The following DYNC2H1 variants were observed in gnomAD, a reference collection of about 807,000 sequenced individuals.
DYNC2H1 encodes dynein cytoplasmic 2 heavy chain 1.
Under a neutral mutation model 570.0 loss-of-function variants are expected in DYNC2H1, and 410 were observed. That is an observed-to-expected ratio of 0.72 (90% CI 0.66 to 0.78). The LOEUF (loss-of-function observed/expected upper bound fraction) is 0.78, where lower values mean the gene tolerates loss of function less well. Among genes scored for constraint, DYNC2H1 ranks in the 30% least tolerant of loss-of-function variants. The pLI, the probability that DYNC2H1 is intolerant of heterozygous loss-of-function variation, is 0.00. For synonymous variants in DYNC2H1, 1,688 were observed against 1,677.6 expected (o/e 1.01, Z -0.15); for missense variants, 4,865 against 5,046.4 (o/e 0.96, Z 1.09).
chr11:103,170,007 T>G lies in DYNC2H1; in HGVS notation c.4969-101T>G. The G allele has an allele frequency of 8.8e-7, 1 of 1,140,462 alleles. No homozygotes were observed. Among genetic ancestry groups the G allele is most frequent in the Non-Finnish European group, 1.2e-6 (1 of 849,406 alleles). The allele number at this position is 1,140,462 out of a possible 1,614,324, so 70.6% of individuals were successfully genotyped here. Reference sequence around the variant, plus strand: ...TCTGTGTTAAAAACTTTAACCTGTTTGTTGCATTTTTATCTTTTTAACTAC... The same window carrying G: ...TCTGTGTTAAAAACTTTAACCTGTTGGTTGCATTTTTATCTTTTTAACTAC... On this transcript the variant is annotated intron_variant, in intron 32 of 88. Transcript: ENST00000375735. This position sits in a 1 kb window ranked among gnomAD's most constrained non-coding sequence, Gnocchi z 4.8.
chr11:103,395,878 G>C lies in DYNC2H1; in HGVS notation c.12157-3785G>C, dbSNP rs1283654671. On this transcript the variant is annotated intron_variant, in intron 83 of 88. Transcript: ENST00000375735. This position sits in a 1 kb window ranked among gnomAD's most constrained non-coding sequence, Gnocchi z 4.3. ...AATGATTATCTAAAGAGGAATGAAG[G>C]GTTACTTGAGGGCAAAGGTAGAATT... 6.6e-6 allele frequency among the ~76,000 whole-genome samples: 1 copy of C among 152,102 alleles called. No individual in the cohort carries two copies. The highest frequency in any genetic ancestry group is 1.5e-5 in the Non-Finnish European group (1 of 68,028).
chr11:103,230,196 A>G (rs752853807), intron 59 of DYNC2H1, among the ~76,000 whole-genome samples: 1 of 152,054 alleles, frequency 6.6e-6, no homozygotes, highest in Non-Finnish European at 1.5e-5. Context: ...TTTGTATGTT[A>G]CCCCATATTT....
intron 87 of DYNC2H1, among the ~76,000 whole-genome samples, chr11:103,460,673 T>C (rs1944979760): frequency 6.6e-6 from 1 of 151,396 alleles, no homozygotes; most frequent in South Asian, 2.1e-4. Flanking sequence ...ATGTATAATC[T>C]GTATATATAT....
intron 83 of DYNC2H1, among the ~76,000 whole-genome samples, chr11:103,389,368 T>C (rs914220666): frequency 2.0e-5 from 3 of 152,246 alleles, no homozygotes; most frequent in African/African-American, 7.2e-5. Flanking sequence ...CATTTTTTAT[T>C]GCATCTATTT....
At position 103,249,451 on chromosome 11, in the gene DYNC2H1, C is replaced by A. The variant is rs1864748038; in HGVS notation, c.10043-3834C>A. ...AAATTGAATACACCTGTATAAACAC[C>A]CAGATCAAGACATAAGAGCTTTATT... On this transcript the variant is annotated intron_variant, in intron 65 of 88. Transcript: ENST00000375735. The surrounding 1 kb of genome is among the most constrained non-coding windows in gnomAD (Gnocchi z 4.6). Among the ~76,000 whole-genome samples, 1 of 151,640 alleles carries A rather than the reference C, an allele frequency of 6.6e-6. No homozygotes were observed. The highest frequency in any genetic ancestry group is 1.5e-5 in the Non-Finnish European group (1 of 67,840).
chr11:103,206,163 A>G (rs1862914502), intron 52 of DYNC2H1, among the ~76,000 whole-genome samples: 1 of 152,184 alleles, frequency 6.6e-6, no homozygotes, highest in Non-Finnish European at 1.5e-5. Context: ...AGTAGAAACA[A>G]CAGGATTTGC....
chr11:103,408,041 G>A (rs1942933650), intron 84 of DYNC2H1: 1 of 151,960 alleles, frequency 6.6e-6, no homozygotes, highest in South Asian at 2.1e-4. Context: ...AGAATAGATG[G>A]CTAGGCTTGA....
Position 103,135,490 on chromosome 11 carries a change from A to G in DYNC2H1, c.2206-5A>G. On this transcript the variant is annotated splice_region_variant and splice_polypyrimidine_tract_variant and intron_variant, in intron 15 of 88. Transcript: ENST00000375735. ...TAAATTAAAAATGTGAATGTAACAT[A>G]TTAGGGATTCCAAGCAAGTGACATG... 6.5e-7 allele frequency: 1 copy of G among 1,542,576 alleles called. No homozygotes were observed. The highest frequency in any genetic ancestry group is 8.7e-7 in the Non-Finnish European group (1 of 1,147,294).
At chr11:103,226,787 T>C (rs1434259623) in intron 59 of DYNC2H1, among the ~76,000 whole-genome samples, 3 of 152,320 alleles carry the variant, frequency 2.0e-5, no homozygotes, top group South Asian at 2.1e-4. Context: ...ATAGGATTGG[T>C]ACCAATTCTT....
At chr11:103,158,374 A>G (rs1411430124) in intron 26 of DYNC2H1, among the ~76,000 whole-genome samples, 1 of 152,172 alleles carries the variant, frequency 6.6e-6, no homozygotes, top group Non-Finnish European at 1.5e-5. Context: ...TCAGGAACCC[A>G]GGAGGCGGAG....
chr11:103,415,267 A>T (rs188952301), intron 84 of DYNC2H1, among the ~76,000 whole-genome samples: 1 of 152,318 alleles, frequency 6.6e-6, no homozygotes, highest in East Asian at 1.9e-4. Context: ...CAAGGACTTC[A>T]TGACTAAAAC....
intron 70 of DYNC2H1, among the ~76,000 whole-genome samples, chr11:103,278,726 C>A (rs1866010218): frequency 6.6e-6 from 1 of 152,122 alleles, no homozygotes; most frequent in Non-Finnish European, 1.5e-5. Flanking sequence ...GCCATCACAC[C>A]CAGCTAATTT....
intron 74 of DYNC2H1, among the ~76,000 whole-genome samples, chr11:103,287,119 G>A (rs1375099766): frequency 6.6e-6 from 1 of 152,074 alleles, no homozygotes; most frequent in East Asian, 1.9e-4. Context: ...TCCAGCCTGG[G>A]TGACAGGGCA....
chr11:103,332,205 G>C lies in DYNC2H1; in HGVS notation c.12039+8215G>C, dbSNP rs181893974. Among the ~76,000 whole-genome samples the C allele has an allele frequency of 4.8e-3, 727 of 151,348 alleles. 3 individuals are homozygous for C. Among genetic ancestry groups the C allele is most frequent in the Non-Finnish European group, 7.0e-3 (473 of 67,900 alleles). On this transcript the variant is annotated intron_variant, in intron 82 of 88. Transcript: ENST00000375735. ...AAGCAAAGTAACAGAGATGAAGACT[G>C]TCTTCAACAAGTTTATAGACTTGAT...
intron 35 of DYNC2H1, 41 bp from the exon 36 acceptor site, chr11:103,174,014 T>C (rs1183380002): frequency 7.3e-7 from 1 of 1,378,934 alleles, no homozygotes; most frequent in African/African-American, 1.4e-5. Flanking sequence ...AGTAATTTCT[T>C]CTAGCTATTT....
At chr11:103,342,756 G>T (rs59638556) in intron 82 of DYNC2H1, among the ~76,000 whole-genome samples, 1 of 151,764 alleles carries the variant, frequency 6.6e-6, no homozygotes, top group African/African-American at 2.4e-5. Context: ...CACCCGCCTT[G>T]GCCTCCCAAA....
intron 83 of DYNC2H1, among the ~76,000 whole-genome samples, chr11:103,393,620 G>A (rs1161237376): frequency 3.3e-5 from 5 of 152,036 alleles, no homozygotes; most frequent in African/African-American, 9.7e-5. Context: ...TGTTCTGTAG[G>A]TTTCTCCTGA....
chr11:103,120,626 T>C, intron 7 of DYNC2H1, 45 bp downstream of exon 7: 1 of 1,595,682 alleles, frequency 6.3e-7, no homozygotes, highest in South Asian at 1.2e-5. Flanking sequence ...CCTGTTTATG[T>C]TGTTCTTTTT....
At chr11:103,283,252 GT>G (rs1460333456) in intron 73 of DYNC2H1, among the ~76,000 whole-genome samples, 167 bp downstream of exon 73, 1 of 152,090 alleles carries the variant, frequency 6.6e-6, no homozygotes, top group Admixed American at 6.5e-5. Context: ...CCTTTAACCA[GT>G]AATTATTAAA....
Sources: gnomAD v4.1 joint callset for allele counts (sites outside exome capture counted in the v4.1 genomes callset) on GRCh38, gnomAD v4.1.1 for gene constraint, Gnocchi (gnomAD v3.1) non-coding constraint, MANE v1.5 for transcripts, NCBI Gene and HGNC (gene_info 2026-07-23, HGNC 2026-07-21) for gene names.